The following ZPBP variants were observed in gnomAD, a reference collection of about 807,000 sequenced individuals.
ZPBP encodes the protein zona pellucida binding protein.
ZPBP carries 26 observed loss-of-function variants against 44.8 expected under a neutral mutation model. The ratio of observed to expected loss-of-function variants is 0.58; its 90% CI spans 0.43 to 0.81. The LOEUF is 0.81. ZPBP is among the 30% of genes least tolerant of loss of function. The probability of loss-of-function intolerance (pLI) is 0.00; values close to 1 mark genes in which losing one functional copy is unlikely to be tolerated. For synonymous variants in ZPBP, 174 were observed against 153.2 expected, an observed-to-expected ratio of 1.14 and a Z score of -1.00; for missense variants, 409 against 434.0, an observed-to-expected ratio of 0.94 and a Z score of 0.51.
At chr7:49,874,110 C>A (rs1791295181) in intron 2 of ZPBP, among the ~76,000 whole-genome samples, 2 of 151,988 alleles carry the variant, frequency 1.3e-5, no homozygotes, top group South Asian at 4.2e-4. Flanking sequence ...AGTTGGTGGG[C>A]AAAGGATGCC....
chr7:50,018,113 AT>A (rs1437993598), intron 6 of ZPBP, 126 bp downstream of exon 6: 10 of 687,738 alleles, frequency 1.5e-5, no homozygotes, highest in Admixed American at 8.1e-5. Context: ...GTAAAGTTTT[AT>A]TTTTATTGTT....
intron 7 of ZPBP, among the ~76,000 whole-genome samples, chr7:49,949,879 C>T (rs1324661484): frequency 6.6e-6 from 1 of 151,708 alleles, no homozygotes; most frequent in Non-Finnish European, 1.5e-5. Context: ...TTGATTATGC[C>T]AAGAATTCAC....
At chr7:50,047,814 A>G (rs1009606128) in intron 4 of ZPBP, among the ~76,000 whole-genome samples, 1 of 152,176 alleles carries the variant, frequency 6.6e-6, no homozygotes, top group Non-Finnish European at 1.5e-5. Context: ...ATGTATGGCA[A>G]TATCTCCATA....
chr7:50,058,717 C>A (rs1218956619), intron 3 of ZPBP, among the ~76,000 whole-genome samples: 1 of 152,112 alleles, frequency 6.6e-6, no homozygotes, highest in African/African-American at 2.4e-5. Context: ...ACCTGACTTG[C>A]CCAACATCAC....
At position 50,086,567 on chromosome 7, in the gene ZPBP, A is replaced by G. The variant is rs57210756; in HGVS notation, c.208+3062T>C. On this transcript the variant is annotated intron_variant, in intron 2 of 7. Coordinates refer to ENST00000046087, the MANE Select transcript of ZPBP (RefSeq NM_007009.3). ...CAGATTAAACAGTACAATAACTGAA[A>G]TGGGAAATTAACTAGAAGGAATCAA... 1.7e-3 allele frequency among the ~76,000 whole-genome samples: 265 copies of G among 152,220 alleles called. 1 individual carries two copies. Among genetic ancestry groups the G allele is most frequent in the African/African-American group, 6.1e-3 (253 of 41,562 alleles).
At chr7:50,069,252 T>C (rs1584165405) in intron 3 of ZPBP, among the ~76,000 whole-genome samples, 1 of 152,190 alleles carries the variant, frequency 6.6e-6, no homozygotes. Flanking sequence ...CTGTGGTTCT[T>C]GCAAAACTGG....
intron 2 of ZPBP, among the ~76,000 whole-genome samples, chr7:49,859,658 A>C (rs1231733823): frequency 6.6e-6 from 1 of 152,206 alleles, no homozygotes; most frequent in African/African-American, 2.4e-5. Flanking sequence ...TGTGCTCTCT[A>C]AAGTGCTATA....
chr7:49,947,924 C>T (rs559822481), intron 7 of ZPBP, among the ~76,000 whole-genome samples: 29 of 152,326 alleles, frequency 1.9e-4, no homozygotes, highest in African/African-American at 7.0e-4. Flanking sequence ...AAGTCTTTCC[C>T]ACTCTTCACT....
chr7:49,957,293 A>G (rs1334734434), intron 7 of ZPBP, among the ~76,000 whole-genome samples: 1 of 152,188 alleles, frequency 6.6e-6, no homozygotes. Flanking sequence ...TAGAAAATTG[A>G]TTTTGAGAAG....
At chr7:49,934,842 A>G (rs1028709525), downstream of ZPBP, among the ~76,000 whole-genome samples, 12 of 152,182 alleles carry the variant, frequency 7.9e-5, no homozygotes, top group African/African-American at 2.9e-4. Context: ...TATAATAAGA[A>G]AAACTTAAAT....
At chr7:50,025,050 C>A (rs915317111) in intron 5 of ZPBP, among the ~76,000 whole-genome samples, 1 of 151,530 alleles carries the variant, frequency 6.6e-6, no homozygotes, top group Non-Finnish European at 1.5e-5. Flanking sequence ...CAATGAAATG[C>A]CATTACACTA....
At chr7:49,876,397 G>A (rs961823306) in intron 2 of ZPBP, among the ~76,000 whole-genome samples, 11 of 152,178 alleles carry the variant, frequency 7.2e-5, no homozygotes, top group Middle Eastern at 3.4e-3. Flanking sequence ...ATGAGCCTTC[G>A]TTTCCACATC....
chr7:50,081,720 T>G (rs1802363623), intron 3 of ZPBP, 54 bp downstream of exon 3: 1 of 1,586,872 alleles, frequency 6.3e-7, no homozygotes, highest in Non-Finnish European at 8.6e-7. Flanking sequence ...CTTTTTGTGT[T>G]GCACACAATT....
chr7:50,077,481 T>C (rs1802153308), intron 3 of ZPBP, among the ~76,000 whole-genome samples: 1 of 151,798 alleles, frequency 6.6e-6, no homozygotes, highest in African/African-American at 2.4e-5. Flanking sequence ...GGAGAAAATA[T>C]ATGCAAACTA....
intron 7 of ZPBP, among the ~76,000 whole-genome samples, chr7:49,956,801 C>T (rs1231895364): frequency 6.6e-6 from 1 of 152,064 alleles, no homozygotes; most frequent in Non-Finnish European, 1.5e-5. Context: ...AACTAAACTT[C>T]ATATGGAAAA....
At chr7:50,048,451 G>T (rs1800501087) in intron 4 of ZPBP, among the ~76,000 whole-genome samples, 1 of 151,938 alleles carries the variant, frequency 6.6e-6, no homozygotes, top group Admixed American at 6.6e-5. Flanking sequence ...ACATTCTCAA[G>T]GATAAAGCAT....
intron 7 of ZPBP, among the ~76,000 whole-genome samples, chr7:49,966,175 A>T (rs1462722750): frequency 1.3e-5 from 2 of 152,154 alleles, no homozygotes; most frequent in Non-Finnish European, 2.9e-5. Flanking sequence ...AATTTTAGTC[A>T]GAAACATAAA....
intron 2 of ZPBP, among the ~76,000 whole-genome samples, chr7:50,087,000 C>T (rs1041914698): frequency 1.3e-5 from 2 of 152,014 alleles, no homozygotes; most frequent in African/African-American, 2.4e-5. Flanking sequence ...CATAAAAAGT[C>T]ATAATGAAAT....
chr7:50,002,286 A>G (rs1298467620), intron 6 of ZPBP, among the ~76,000 whole-genome samples: 1 of 152,172 alleles, frequency 6.6e-6, no homozygotes, highest in African/African-American at 2.4e-5. Flanking sequence ...CACTACCATG[A>G]GAACAGTATG....
Sources: gnomAD v4.1 joint callset for allele counts (sites outside exome capture counted in the v4.1 genomes callset) on GRCh38, gnomAD v4.1.1 for gene constraint, MANE v1.5 for transcripts, NCBI Gene and HGNC (gene_info 2026-07-23, HGNC 2026-07-21) for gene names.